The following RIT2 variants were observed in gnomAD, a reference collection of about 807,000 sequenced individuals.
The protein encoded by RIT2 is GTP-binding protein Rit2.
Under a neutral mutation model 23.7 loss-of-function variants are expected in RIT2, and 24 were observed. The observed-to-expected ratio is 1.01, with a 90% CI of 0.73 to 1.43. The LOEUF (loss-of-function observed/expected upper bound fraction) is 1.43. Among genes scored for constraint, RIT2 ranks in the 40% most tolerant of loss-of-function variants. The probability of loss-of-function intolerance (pLI) is 0.00; values close to 1 mark genes in which losing one functional copy is unlikely to be tolerated. For missense variants in RIT2, 236 were observed against 266.9 expected, an observed-to-expected ratio of 0.88 and a Z score of 0.81; for synonymous variants, 107 against 91.1, an observed-to-expected ratio of 1.17 and a Z score of -0.99.
chr18:42,791,370 A>G (rs1914039286), intron 4 of RIT2, among the ~76,000 whole-genome samples: 1 of 152,192 alleles, frequency 6.6e-6, no homozygotes, highest in African/African-American at 2.4e-5. Flanking sequence ...ACTACTCTGT[A>G]CGTGACTGGG....
At chr18:42,854,615 C>T (rs1215935828) in intron 4 of RIT2, among the ~76,000 whole-genome samples, 1 of 152,124 alleles carries the variant, frequency 6.6e-6, no homozygotes, top group East Asian at 1.9e-4. Context: ...TATTTCTCTG[C>T]ATATTTCTCT....
chr18:42,866,499 C>A (rs1390475499), intron 4 of RIT2, among the ~76,000 whole-genome samples: 4 of 152,060 alleles, frequency 2.6e-5, no homozygotes, highest in African/African-American at 9.7e-5. Context: ...TATCTCTCCC[C>A]AAATCAGGCA....
At chr18:42,836,029 T>A (rs1482685835) in intron 4 of RIT2, among the ~76,000 whole-genome samples, 2 of 152,188 alleles carry the variant, frequency 1.3e-5, no homozygotes, top group African/African-American at 4.8e-5. Context: ...TAGGTGTGAA[T>A]CTTATTTCTT....
At chr18:42,768,524 C>T (rs1913477264) in intron 4 of RIT2, among the ~76,000 whole-genome samples, 1 of 152,084 alleles carries the variant, frequency 6.6e-6, no homozygotes, top group Admixed American at 6.6e-5. Flanking sequence ...TTCCAGAGCC[C>T]ACTTTAATCA....
At chr18:42,761,573 C>T (rs879690439) in intron 4 of RIT2, among the ~76,000 whole-genome samples, 1 of 152,192 alleles carries the variant, frequency 6.6e-6, no homozygotes, top group Non-Finnish European at 1.5e-5. Flanking sequence ...TAAAGTCCTT[C>T]TCTTCTTCCA....
At position 42,974,079 on chromosome 18, in the gene RIT2, C is replaced by T. The variant is rs1182646862; in HGVS notation, c.229G>A (p.Gly77Ser). 1.2e-6 allele frequency: 2 copies of T among 1,609,438 alleles called. No homozygotes were observed. Among genetic ancestry groups the T allele is most frequent in the Non-Finnish European group, 1.7e-6 (2 of 1,176,862 alleles). ...PAYLDILDTAGQAEFTAMREQ... is the reference protein window; with the variant it reads ...PAYLDILDTASQAEFTAMREQ... Reference sequence around the variant, plus strand: ...GGTTTAAGAACATCACCTACCTGGCCAGCAGTGTCCAAGATGTCCAAGTAA... The same window carrying T: ...GGTTTAAGAACATCACCTACCTGGCTAGCAGTGTCCAAGATGTCCAAGTAA... Residue 77 changes from glycine to serine, a missense_variant, in exon 3 of 5, where the codon GGC becomes AGC. Physicochemically the swap from Gly to Ser is moderately conservative, Grantham distance 56. Transcript: ENST00000326695.
rs1346735588 is a variant in RIT2 at position 42,756,844 on chromosome 18, A to AT, written c.427-13125dup. 3.9e-5 allele frequency among the ~76,000 whole-genome samples: 6 copies of AT among 152,008 alleles called. No individual in the cohort carries two copies. In the South Asian group the frequency reaches 1.2e-3, roughly 32 times the overall value. ...AAATGTACTCTTTGAAGACCAAAAA[A>AT]TTTTATTATTTAATCTATTCTGTTA... On this transcript the variant is annotated intron_variant, in intron 4 of 4. Coordinates refer to ENST00000326695, the MANE Select transcript of RIT2 (RefSeq NM_002930.4).
At chr18:43,096,169 C>G (rs185126569) in intron 1 of RIT2, among the ~76,000 whole-genome samples, 30 of 151,972 alleles carry the variant, frequency 2.0e-4, no homozygotes, top group African/African-American at 7.2e-4. Context: ...TCCTGAGAGT[C>G]TGTTAAGAAA....
At chr18:43,079,085 T>C (rs1568075810) in intron 1 of RIT2, among the ~76,000 whole-genome samples, 1 of 152,200 alleles carries the variant, frequency 6.6e-6, no homozygotes, top group Admixed American at 6.5e-5. Flanking sequence ...AAGAAAACAA[T>C]TGCAATTGCT....
intron 4 of RIT2, among the ~76,000 whole-genome samples, chr18:42,802,576 T>A (rs1200788851): frequency 6.6e-6 from 1 of 152,204 alleles, no homozygotes; most frequent in Non-Finnish European, 1.5e-5. Context: ...ATGAAAAACT[T>A]TGTTAAAAAG....
At chr18:43,028,583 C>T (rs966242500) in intron 2 of RIT2, among the ~76,000 whole-genome samples, 1 of 151,944 alleles carries the variant, frequency 6.6e-6, no homozygotes, top group Non-Finnish European at 1.5e-5. Context: ...AAATATAATT[C>T]TTCAAGTTTA....
At chr18:43,099,186 C>A (rs1290470662) in intron 1 of RIT2, among the ~76,000 whole-genome samples, 11 of 152,002 alleles carry the variant, frequency 7.2e-5, no homozygotes, top group Non-Finnish European at 8.8e-5. Flanking sequence ...AAGGTGTGGG[C>A]TCAGGCTAGT....
intron 4 of RIT2, among the ~76,000 whole-genome samples, chr18:42,804,781 A>C (rs1387267716): frequency 6.6e-6 from 1 of 152,000 alleles, no homozygotes; most frequent in Non-Finnish European, 1.5e-5. Context: ...GCTTACCAGA[A>C]CTAATAACCT....
rs181631889 is a variant in RIT2 at position 43,099,059 on chromosome 18, A to G, written c.103+16358T>C. Reference sequence around the variant, plus strand: ...GATTTTCTATTTTGGTTCTAGGTAAATCATATATAACAAATTTATTTGGAA... The same window carrying G: ...GATTTTCTATTTTGGTTCTAGGTAAGTCATATATAACAAATTTATTTGGAA... On this transcript the variant is annotated intron_variant, in intron 1 of 4. Transcript: ENST00000326695. 4.3e-3 allele frequency among the ~76,000 whole-genome samples: 647 copies of G among 152,138 alleles called. 15 individuals carry two copies. The highest frequency in any genetic ancestry group is 0.036 in the Admixed American group (553 of 15,254).
chr18:43,009,824 C>T lies in RIT2; in HGVS notation c.160+23987G>A, dbSNP rs1162505584. 1.4e-4 allele frequency among the ~76,000 whole-genome samples: 22 copies of T among 151,786 alleles called. 1 individual carries two copies. The highest frequency in any genetic ancestry group is 1.4e-3 in the Admixed American group (22 of 15,190). ...CTCACATGCTGGTATCTCTCCAAAC[C>T]AGGAAGCTTCTTTCACCTCTAATTT... On this transcript the variant is annotated intron_variant, in intron 2 of 4. Transcript: ENST00000326695.
At chr18:42,837,764 T>G (rs571850791) in intron 4 of RIT2, among the ~76,000 whole-genome samples, 48 of 152,294 alleles carry the variant, frequency 3.2e-4, no homozygotes, top group East Asian at 1.9e-3. Flanking sequence ...CCAGGTGGTG[T>G]TGTTTATTTT....
chr18:42,943,570 T>C (rs188971983), intron 3 of RIT2, among the ~76,000 whole-genome samples: 1 of 152,174 alleles, frequency 6.6e-6, no homozygotes, highest in African/African-American at 2.4e-5. Context: ...TTACATGTTT[T>C]TATTAATCTT....
chr18:42,792,992 C>G (rs1914076732), intron 4 of RIT2, among the ~76,000 whole-genome samples: 1 of 151,626 alleles, frequency 6.6e-6, no homozygotes, highest in Admixed American at 6.6e-5. Flanking sequence ...ATTCAGATAC[C>G]AAGGGAAATA....
chr18:43,036,890 TATC>T (rs1248143073), intron 1 of RIT2, among the ~76,000 whole-genome samples: 1 of 152,238 alleles, frequency 6.6e-6, no homozygotes, highest in African/African-American at 2.4e-5. Flanking sequence ...CCTAAGTACC[TATC>T]AAGCTCAACC....
Sources: allele counts gnomAD v4.1 joint callset (sites outside exome capture counted in the v4.1 genomes callset), GRCh38; gene constraint gnomAD v4.1.1; transcripts MANE v1.5; gene names NCBI Gene and HGNC (gene_info 2026-07-23, HGNC 2026-07-21).